The following FGF14 variants were observed in gnomAD, a reference collection of about 807,000 sequenced individuals.
FGF14 encodes the protein fibroblast growth factor 14, also known as fibroblast growth factor homologous factor 4.
FGF14 carries 5 observed loss-of-function variants against 25.5 expected under a neutral mutation model. The ratio of observed to expected loss-of-function variants is 0.20; its 90% CI spans 0.10 to 0.41. The LOEUF is 0.41. Ranked by LOEUF, FGF14 falls within the 10% of genes least tolerant of loss-of-function variation. The pLI, the probability that FGF14 is intolerant of heterozygous loss-of-function variation, is 1.00. For missense variants in FGF14, 222 were observed against 320.1 expected, an observed-to-expected ratio of 0.69 and a Z score of 2.34; for synonymous variants, 138 against 118.3, an observed-to-expected ratio of 1.17 and a Z score of -1.08.
chr13:102,119,687 T>C (rs1327836945), intron 1 of FGF14, among the ~76,000 whole-genome samples: 3 of 152,218 alleles, frequency 2.0e-5, no homozygotes, highest in Non-Finnish European at 4.4e-5. Context: ...AAGTATGTTA[T>C]ATATGTATGT....
chr13:102,309,515 A>G (rs1235065330), intron 1 of FGF14, among the ~76,000 whole-genome samples: 1 of 152,226 alleles, frequency 6.6e-6, no homozygotes, highest in East Asian at 1.9e-4. Context: ...AAAGAATCAA[A>G]GAGATGAGAA....
chr13:102,116,999 C>G (rs1249539433), intron 1 of FGF14, among the ~76,000 whole-genome samples: 1 of 152,158 alleles, frequency 6.6e-6, no homozygotes, highest in Non-Finnish European at 1.5e-5. Flanking sequence ...CAGACAGGCT[C>G]CCACTCCCCT....
chr13:101,901,220 T>C (rs537266870), intron 1 of FGF14, among the ~76,000 whole-genome samples: 1 of 152,226 alleles, frequency 6.6e-6, no homozygotes, highest in South Asian at 2.1e-4. Flanking sequence ...TATGGTGGAA[T>C]TCCTATTATT....
At chr13:101,918,103 C>T (rs534209139), upstream of FGF14, among the ~76,000 whole-genome samples, 3 of 152,258 alleles carry the variant, frequency 2.0e-5, no homozygotes, top group South Asian at 6.2e-4. Flanking sequence ...CGTCTCCTCC[C>T]CCTTGATTTT....
At chr13:102,032,130 C>G (rs1025136841) in intron 1 of FGF14, among the ~76,000 whole-genome samples, 2 of 152,104 alleles carry the variant, frequency 1.3e-5, no homozygotes, top group Non-Finnish European at 2.9e-5. Context: ...CCACATTCTC[C>G]TCAGACCAAA....
intron 1 of FGF14, among the ~76,000 whole-genome samples, chr13:102,265,933 T>A (rs1380124821): frequency 6.6e-6 from 1 of 152,044 alleles, no homozygotes; most frequent in Admixed American, 6.6e-5. Flanking sequence ...ACTTCCTGCA[T>A]TGTCATTTAA....
intron 1 of FGF14, among the ~76,000 whole-genome samples, chr13:102,039,703 T>G (rs909251556): frequency 1.3e-5 from 2 of 152,128 alleles, no homozygotes; most frequent in African/African-American, 4.8e-5. Context: ...AGACCCAATT[T>G]CCACATATGG....
In FGF14 at chr13:101,951,781, G is replaced by A. The variant is rs545379578; in HGVS notation, c.209-76485C>T. Among the ~76,000 whole-genome samples, 4 of 152,246 alleles carry A rather than the reference G, an allele frequency of 2.6e-5. No homozygotes were observed. In the East Asian group the frequency reaches 7.7e-4, roughly 29 times the overall value. On this transcript the variant is annotated intron_variant, in intron 1 of 4. Transcript: ENST00000376131. ...TGTGGCCATGTCCTCACAGCATACA[G>A]TGCAGCAGCATCATCATTTATCATT...
chr13:102,299,359 C>G (rs1393539235), intron 1 of FGF14, among the ~76,000 whole-genome samples: 1 of 152,016 alleles, frequency 6.6e-6, no homozygotes, highest in Non-Finnish European at 1.5e-5. Flanking sequence ...GCAACCAAAC[C>G]TTAAGAATAT....
intron 1 of FGF14, among the ~76,000 whole-genome samples, chr13:102,017,833 T>C (rs2040426320): frequency 6.6e-6 from 1 of 152,154 alleles, no homozygotes; most frequent in South Asian, 2.1e-4. Flanking sequence ...GACTGTATTC[T>C]TAGAGAATTC....
At chr13:101,910,276 A>AAAG (rs1555313768) in intron 1 of FGF14, among the ~76,000 whole-genome samples, 1 of 152,030 alleles carries the variant, frequency 6.6e-6, no homozygotes, top group Non-Finnish European at 1.5e-5. Context: ...AATCAGACCA[A>AAAG]AATAATAATA....
At chr13:102,309,860 TA>T (rs1481651164) in intron 1 of FGF14, among the ~76,000 whole-genome samples, 2 of 152,220 alleles carry the variant, frequency 1.3e-5, no homozygotes, top group African/African-American at 4.8e-5. Flanking sequence ...GCATTTGCTT[TA>T]GCCTTTGAAT....
intron 1 of FGF14, among the ~76,000 whole-genome samples, chr13:101,995,344 A>T (rs1190683173): frequency 6.6e-6 from 1 of 152,160 alleles, no homozygotes; most frequent in East Asian, 1.9e-4. Context: ...TAAGGAAAAG[A>T]TAAAAGTTCT....
intron 1 of FGF14, among the ~76,000 whole-genome samples, chr13:101,981,680 A>G: frequency 6.6e-6 from 1 of 152,126 alleles, no homozygotes; most frequent in Non-Finnish European, 1.5e-5. Context: ...AAAACCCTCG[A>G]AATTATACTA....
At chr13:102,306,572 T>A (rs2138627590) in intron 1 of FGF14, among the ~76,000 whole-genome samples, 1 of 152,184 alleles carries the variant, frequency 6.6e-6, no homozygotes, top group South Asian at 2.1e-4. Flanking sequence ...TTTGACAAGG[T>A]AAGAGGGGAC....
chr13:101,969,473 C>T (rs1438025035), intron 1 of FGF14, among the ~76,000 whole-genome samples: 1 of 152,132 alleles, frequency 6.6e-6, no homozygotes, highest in Non-Finnish European at 1.5e-5. Flanking sequence ...CCAAAATACT[C>T]CTGCCTTTGA....
At chr13:101,757,734 A>C (rs2037756010) in intron 3 of FGF14, among the ~76,000 whole-genome samples, 1 of 152,204 alleles carries the variant, frequency 6.6e-6, no homozygotes, top group South Asian at 2.1e-4. Flanking sequence ...AACCAAATGC[A>C]AATCCAGGTT....
intron 1 of FGF14, among the ~76,000 whole-genome samples, chr13:102,313,538 G>T (rs2055876474): frequency 6.6e-6 from 1 of 151,874 alleles, no homozygotes; most frequent in African/African-American, 2.4e-5. Context: ...TGTAGTTGGT[G>T]GTCCAAACAA....
At chr13:102,379,306 A>C (rs1302198768) in intron 1 of FGF14, among the ~76,000 whole-genome samples, 2 of 152,076 alleles carry the variant, frequency 1.3e-5, no homozygotes, top group Non-Finnish European at 2.9e-5. Flanking sequence ...CCCACAAGGC[A>C]TCAAGCAGTA....
Sources: gnomAD v4.1 joint callset for allele counts (sites outside exome capture counted in the v4.1 genomes callset) on GRCh38, gnomAD v4.1.1 for gene constraint, MANE v1.5 for transcripts, NCBI Gene and HGNC (gene_info 2026-07-23, HGNC 2026-07-21) for gene names.